NT5DC4: variants seen among roughly 807,000 people sequenced by gnomAD.
NT5DC4 encodes 5'-nucleotidase domain containing 4.
NT5DC4 carries 44 observed loss-of-function variants against 26.6 expected under a neutral mutation model. The ratio of observed to expected loss-of-function variants is 1.65; its 90% confidence interval spans 1.30 to 2.13. The LOEUF is 2.13. Ranked by LOEUF, NT5DC4 falls within the 30% of genes most tolerant of loss-of-function variation. The pLI is 0.00. For missense variants in NT5DC4, 399 were observed against 228.1 expected, an observed-to-expected ratio of 1.75 and a Z score of -4.83; for synonymous variants, 157 against 86.7, an observed-to-expected ratio of 1.81 and a Z score of -4.51.
At chr2:112,723,839 C>T (rs547958714) in intron 9 of NT5DC4, 37 bp downstream of exon 9, 1 of 701,136 alleles carries the variant, frequency 1.4e-6, no homozygotes, top group South Asian at 1.5e-5. Context: ...CGTCGGCCTC[C>T]TTCCTGGCCC....
At chr2:112,727,223 T>C in intron 15 of NT5DC4, 1 of 197,478 alleles carries the variant, frequency 5.1e-6, no homozygotes, top group Non-Finnish European at 1.1e-5. Flanking sequence ...CAAGCCCAGC[T>C]GGGGCCGATC....
intron 15 of NT5DC4, among the ~76,000 whole-genome samples, chr2:112,728,992 A>C (rs1430214295): frequency 1.3e-5 from 2 of 152,242 alleles, no homozygotes; most frequent in African/African-American, 4.8e-5. Flanking sequence ...CTGGGGGTCC[A>C]GGCATAGCCC....
rs981124367 is a variant in NT5DC4, at chr2:112,721,111, G to A, written c.32G>A (p.Gly11Glu). Among the ~76,000 whole-genome samples the A allele has an allele frequency of 2.6e-5, 4 of 152,024 alleles. No homozygotes were observed. The highest frequency in any genetic ancestry group is 7.3e-5 in the African/African-American group (3 of 41,378). MASVDWREPE[G>E]LVSPQGPKQD... ...AGTGTAGACTGGAGAGAGCCGGAGGGACTGGTCTCCCCTCAAGGCCCGAAG... is the reference window on the plus strand; with the variant it reads ...AGTGTAGACTGGAGAGAGCCGGAGGAACTGGTCTCCCCTCAAGGCCCGAAG... Residue 11 changes from glycine to glutamate, a missense_variant, in exon 1 of 17, where the codon GGA becomes GAA. Transcript: ENST00000688554.
chr2:112,726,656 C>G (rs1276202951), intron 14 of NT5DC4, 22 bp from the exon 15 acceptor site: 1 of 717,478 alleles, frequency 1.4e-6, no homozygotes. Flanking sequence ...TCCCCTGGGT[C>G]ACCTAGCTAT....
intron 16 of NT5DC4, among the ~76,000 whole-genome samples, chr2:112,734,060 C>T (rs534961895): frequency 6.6e-6 from 1 of 152,196 alleles, no homozygotes; most frequent in South Asian, 2.1e-4. Flanking sequence ...ATTAACTACT[C>T]TATTTCCATA....
chr2:112,741,940 GTTTTTT>G (rs57634251), downstream of NT5DC4, among the ~76,000 whole-genome samples: 924 of 71,920 alleles, frequency 0.013, 3 homozygotes, highest in Non-Finnish European at 0.018. Context: ...TTTCTTTTCT[GTTTTTT>G]TTTTTTTTTT....
intron 16 of NT5DC4, among the ~76,000 whole-genome samples, chr2:112,735,148 G>A (rs1574289641): frequency 6.8e-6 from 1 of 146,350 alleles, no homozygotes. Flanking sequence ...GGTTCAAGCA[G>A]TTCTCCTGCC....
downstream of NT5DC4, among the ~76,000 whole-genome samples, chr2:112,741,746 T>C (rs1349677721): frequency 1.3e-5 from 2 of 152,144 alleles, no homozygotes; most frequent in Non-Finnish European, 2.9e-5. Flanking sequence ...CATGACTTGA[T>C]TGTTCCCCAG....
At chr2:112,742,643 G>A (rs1248535913), downstream of NT5DC4, 4 of 1,096,846 alleles carry the variant, frequency 3.6e-6, no homozygotes, top group Non-Finnish European at 5.5e-6. Context: ...TTTCCTATAT[G>A]TCCTGGATGA....
At chr2:112,734,308 C>A (rs1046877196) in intron 16 of NT5DC4, among the ~76,000 whole-genome samples, 1 of 151,978 alleles carries the variant, frequency 6.6e-6, no homozygotes, top group Non-Finnish European at 1.5e-5. Context: ...CCAGGGTTAG[C>A]CCAGCTCCAG....
chr2:112,738,571 T>C (rs893538560), intron 16 of NT5DC4: 1 of 483,284 alleles, frequency 2.1e-6, no homozygotes, highest in Non-Finnish European at 3.7e-6. Context: ...TTTATCATAG[T>C]TGTAGGGTAA....
chr2:112,741,283 T>C (rs1232353161), downstream of NT5DC4, among the ~76,000 whole-genome samples: 2 of 151,778 alleles, frequency 1.3e-5, no homozygotes, highest in Non-Finnish European at 2.9e-5. Context: ...TGAACATATC[T>C]CCAGTCTCCT....
At chr2:112,742,493 G>A (rs1201419759), downstream of NT5DC4, 1 of 718,346 alleles carries the variant, frequency 1.4e-6, no homozygotes, top group Non-Finnish European at 2.6e-6. Context: ...CTGTTTTGGT[G>A]GAAACAACCT....
intron 16 of NT5DC4, among the ~76,000 whole-genome samples, chr2:112,735,476 T>TAA (rs1440220301): frequency 2.1e-5 from 3 of 140,858 alleles, no homozygotes; most frequent in African/African-American, 7.7e-5. Flanking sequence ...ATGCTATATA[T>TAA]AATCCTCCCC....
chr2:112,738,910 C>A lies in NT5DC4; in HGVS notation c.1345-3C>A. The A allele has an allele frequency of 6.2e-7, 1 of 1,614,110 alleles. No individual in the cohort carries two copies. Among genetic ancestry groups the A allele is most frequent in the South Asian group, 1.1e-5 (1 of 91,076 alleles). On this transcript the variant is annotated splice_polypyrimidine_tract_variant and splice_region_variant and intron_variant, in intron 16 of 16. Coordinates refer to ENST00000688554, the MANE Select transcript of NT5DC4 (RefSeq NM_001393655.1). ...AACATTTTGTTTCTTCCACTTCTAA[C>A]AGTTCATCAAGAGAAGCCACTACTA...
upstream of NT5DC4, among the ~76,000 whole-genome samples, chr2:112,720,876 C>T (rs1676806835): frequency 6.6e-6 from 1 of 152,154 alleles, no homozygotes; most frequent in African/African-American, 2.4e-5. Flanking sequence ...GCTGCTTTTG[C>T]TCTAGAGAAA....
chr2:112,733,063 G>A (rs1445977350), intron 16 of NT5DC4, among the ~76,000 whole-genome samples: 2 of 152,082 alleles, frequency 1.3e-5, no homozygotes, highest in African/African-American at 2.4e-5. Context: ...TTGTAGAACT[G>A]CAGGGAAAGG....
chr2:112,723,264 T>A, intron 7 of NT5DC4, 90 bp downstream of exon 7: 1 of 712,898 alleles, frequency 1.4e-6, no homozygotes, highest in Non-Finnish European at 2.6e-6. Flanking sequence ...CCATAGCGTT[T>A]CCATCCTCTT....
rs1263408385 is a variant in NT5DC4, at chr2:112,723,807, G to A, written c.756+5G>A. ...AGCAGCTACAACTACACCAATGTGA[G>A]TATGTGTATGGAGGGGTGGACCGTC... On this transcript the variant is annotated splice_donor_5th_base_variant and intron_variant, in intron 9 of 16. Coordinates refer to ENST00000688554, the MANE Select transcript of NT5DC4 (RefSeq NM_001393655.1). The A allele has an allele frequency of 6.4e-6, 4 of 627,822 alleles. No homozygotes were observed. The highest frequency in any genetic ancestry group is 1.5e-5 in the South Asian group (1 of 66,368). 38.9% of individuals were successfully genotyped at this position (627,822 alleles called of 1,614,324 possible).
Sources: allele counts gnomAD v4.1 joint callset (sites outside exome capture counted in the v4.1 genomes callset), GRCh38; gene constraint gnomAD v4.1.1; transcripts MANE v1.5; gene names NCBI Gene and HGNC (gene_info 2026-07-23, HGNC 2026-07-21).